Variants in ALDH1A1 observed in about 807,000 individuals in gnomAD.
ALDH1A1 encodes the protein aldehyde dehydrogenase 1A1.
In ALDH1A1, 19 loss-of-function variants were observed where a neutral mutation model predicts 62.1. The ratio of observed to expected loss-of-function variants is 0.31; its 90% CI spans 0.21 to 0.45. The LOEUF (loss-of-function observed/expected upper bound fraction) is 0.45. ALDH1A1 is among the 20% of genes least tolerant of loss of function. The pLI is 1.00. For synonymous variants in ALDH1A1, 231 were observed against 215.9 expected (o/e 1.07, Z -0.61); for missense variants, 521 against 607.1 (o/e 0.86, Z 1.49).
intron 11 of ALDH1A1, among the ~76,000 whole-genome samples, chr9:72,909,184 G>T (rs1384093104): frequency 1.0e-5 from 1 of 97,844 alleles, no homozygotes; most frequent in Non-Finnish European, 2.2e-5. Flanking sequence ...TTTTTGAGAC[G>T]GAGTTTTGCT....
At chr9:72,936,816 T>C (rs1042524737) in intron 2 of ALDH1A1, among the ~76,000 whole-genome samples, 8 of 152,128 alleles carry the variant, frequency 5.3e-5, no homozygotes, top group Admixed American at 5.2e-4. Context: ...TCAAAACTCT[T>C]TGACCCCTGT....
intron 7 of ALDH1A1, among the ~76,000 whole-genome samples, chr9:72,919,034 G>A (rs1328422231): frequency 1.3e-5 from 2 of 151,924 alleles, no homozygotes; most frequent in African/African-American, 4.8e-5. Flanking sequence ...TCCGCCTCCC[G>A]GGTTCAAGTG....
chr9:72,939,489 A>G (rs2118565281), intron 2 of ALDH1A1, among the ~76,000 whole-genome samples: 1 of 152,132 alleles, frequency 6.6e-6, no homozygotes, highest in South Asian at 2.1e-4. Context: ...TTTTAGTTTT[A>G]TCTAGCAACA....
At chr9:72,910,818 G>A (rs996411167) in intron 10 of ALDH1A1, among the ~76,000 whole-genome samples, 25 of 152,052 alleles carry the variant, frequency 1.6e-4, no homozygotes, top group African/African-American at 3.9e-4. Context: ...GAATCTTAAC[G>A]TTATAAATCT....
intron 1 of ALDH1A1, among the ~76,000 whole-genome samples, chr9:72,951,753 C>T (rs1410356592): frequency 1.3e-5 from 2 of 151,826 alleles, no homozygotes; most frequent in Admixed American, 6.6e-5. Flanking sequence ...TGTAGTAAAA[C>T]TAAATGGAAA....
chr9:72,933,259 C>T (rs1391586016), intron 2 of ALDH1A1, among the ~76,000 whole-genome samples: 2 of 152,192 alleles, frequency 1.3e-5, no homozygotes, highest in Non-Finnish European at 2.9e-5. Context: ...GCAGCATTCT[C>T]ATCATCCCTC....
At chr9:72,919,405 T>C (rs1830107195) in intron 7 of ALDH1A1, among the ~76,000 whole-genome samples, 1 of 152,140 alleles carries the variant, frequency 6.6e-6, no homozygotes, top group South Asian at 2.1e-4. Flanking sequence ...TGGACTGCCT[T>C]CAAGTTCTAT....
chr9:72,905,848 A>G, intron 12 of ALDH1A1, 110 bp downstream of exon 12: 1 of 847,826 alleles, frequency 1.2e-6, no homozygotes, highest in Non-Finnish European at 1.8e-6. Flanking sequence ...AATCTCCAGG[A>G]AAGAACAGAG....
At chr9:72,914,734 A>AGT (rs1394165416) in intron 9 of ALDH1A1, among the ~76,000 whole-genome samples, 1 of 8,714 alleles carries the variant, frequency 1.1e-4, no homozygotes, top group Admixed American at 2.0e-3. Flanking sequence ...AAATATGCAA[A>AGT]GTATATATAT....
intron 11 of ALDH1A1, 146 bp downstream of exon 11, chr9:72,909,456 C>T (rs752383360): frequency 2.6e-6 from 2 of 758,988 alleles, no homozygotes; most frequent in South Asian, 2.6e-5. Context: ...CCGCACCCAG[C>T]CTTTTGTTTG....
chr9:72,932,986 T>G (rs925169369), intron 2 of ALDH1A1, among the ~76,000 whole-genome samples: 15 of 152,180 alleles, frequency 9.9e-5, no homozygotes, highest in Admixed American at 9.8e-4. Context: ...TAAGTAACTC[T>G]CCCATATGGA....
In ALDH1A1 at chr9:72,928,320, A is replaced by G. The variant is rs74441347; in HGVS notation, c.442+572T>C. ...TGCATACCCCACTAAAATAACACATACGTACAGATTCACACACACAAACCC... is the reference window on the plus strand; with the variant it reads ...TGCATACCCCACTAAAATAACACATGCGTACAGATTCACACACACAAACCC... On this transcript the variant is annotated intron_variant, in intron 4 of 12. Transcript: ENST00000297785. Among the ~76,000 whole-genome samples the G allele has an allele frequency of 8.7e-4, 133 of 152,270 alleles. 1 individual carries two copies. The highest frequency in any genetic ancestry group is 6.2e-3 in the East Asian group (32 of 5,154).
chr9:72,910,989 A>G (rs1829976617), intron 10 of ALDH1A1, among the ~76,000 whole-genome samples: 1 of 152,208 alleles, frequency 6.6e-6, no homozygotes, highest in South Asian at 2.1e-4. Context: ...TAGGAACACA[A>G]TAAATGTTTC....
chr9:72,920,719 A>C (rs1406310548), intron 7 of ALDH1A1, among the ~76,000 whole-genome samples: 2 of 152,238 alleles, frequency 1.3e-5, no homozygotes, highest in African/African-American at 2.4e-5. Context: ...AAGTCAAAAC[A>C]AAGAGACATT....
intron 5 of ALDH1A1, among the ~76,000 whole-genome samples, chr9:72,925,992 C>A (rs974991709): frequency 6.6e-5 from 10 of 152,084 alleles, no homozygotes; most frequent in Non-Finnish European, 1.2e-4. Context: ...ATTATTTACC[C>A]AATAATATTA....
intron 2 of ALDH1A1, 98 bp downstream of exon 2, chr9:72,940,050 T>C: frequency 1.4e-5 from 11 of 798,496 alleles, no homozygotes; most frequent in Admixed American, 2.3e-5. Context: ...CATATTTTCA[T>C]GGCATGTCTT....
At chr9:72,934,187 G>A (rs886186447) in intron 2 of ALDH1A1, among the ~76,000 whole-genome samples, 1 of 152,088 alleles carries the variant, frequency 6.6e-6, no homozygotes, top group Non-Finnish European at 1.5e-5. Context: ...CTTCCAACGT[G>A]GTGGGATTAC....
chr9:72,937,099 A>T (rs752746155), intron 2 of ALDH1A1, among the ~76,000 whole-genome samples: 17 of 152,188 alleles, frequency 1.1e-4, no homozygotes, highest in Non-Finnish European at 2.4e-4. Flanking sequence ...TAGTCAGGTT[A>T]GTACTAAATT....
At chr9:72,918,278 G>T (rs1053575956) in intron 8 of ALDH1A1, among the ~76,000 whole-genome samples, 3 of 152,136 alleles carry the variant, frequency 2.0e-5, no homozygotes, top group African/African-American at 7.2e-5. Flanking sequence ...ATTTTCTTCT[G>T]ATCATTTCAT....
Sources: gnomAD v4.1 joint callset for allele counts (sites outside exome capture counted in the v4.1 genomes callset) on GRCh38, gnomAD v4.1.1 for gene constraint, MANE v1.5 for transcripts, NCBI Gene and HGNC (gene_info 2026-07-23, HGNC 2026-07-21) for gene names.